Variants in ZNF521 observed in about 807,000 individuals in gnomAD.
The protein encoded by ZNF521 is zinc finger protein 521, also known as LYST-interacting protein 3.
ZNF521 carries 14 observed loss-of-function variants against 105.5 expected under a neutral mutation model. The ratio of observed to expected loss-of-function variants is 0.13; its 90% CI spans 0.09 to 0.21. The LOEUF is 0.21. Ranked by LOEUF, ZNF521 falls within the 10% of genes least tolerant of loss-of-function variation. The pLI is 1.00. For missense variants in ZNF521, 1,233 were observed against 1,629.7 expected (o/e 0.76, Z 4.19); for synonymous variants, 635 against 606.0 (o/e 1.05, Z -0.70).
intron 2 of ZNF521, chr18:25,345,167 T>C (rs1914407664): frequency 6.6e-6 from 1 of 152,188 alleles, no homozygotes; most frequent in Non-Finnish European, 1.5e-5. Flanking sequence ...AATGTTCCTC[T>C]AAGGTGAAAA....
chr18:25,341,602 C>T (rs967911836), intron 2 of ZNF521, among the ~76,000 whole-genome samples: 2 of 152,122 alleles, frequency 1.3e-5, no homozygotes, highest in East Asian at 3.8e-4. Context: ...GGACATATTT[C>T]CCTTTAGATT....
chr18:25,114,589 CT>C (rs2034266707), intron 5 of ZNF521, among the ~76,000 whole-genome samples: 1 of 152,166 alleles, frequency 6.6e-6, no homozygotes, highest in Non-Finnish European at 1.5e-5. Context: ...TAGTCCTTTT[CT>C]TTTCCTCCTC....
At chr18:25,293,039 T>C (rs1911125051) in intron 3 of ZNF521, among the ~76,000 whole-genome samples, 1 of 152,144 alleles carries the variant, frequency 6.6e-6, no homozygotes, top group Non-Finnish European at 1.5e-5. Flanking sequence ...GCCCAATGGT[T>C]TTCCCATATA....
chr18:25,171,607 C>A (rs2035450157), intron 5 of ZNF521, among the ~76,000 whole-genome samples: 1 of 152,030 alleles, frequency 6.6e-6, no homozygotes, highest in African/African-American at 2.4e-5. Context: ...TTGGCTCCAA[C>A]CGTTATATTC....
intron 3 of ZNF521, among the ~76,000 whole-genome samples, chr18:25,288,588 C>A (rs1423833197): frequency 7.1e-6 from 1 of 141,118 alleles, no homozygotes; most frequent in African/African-American, 2.7e-5. Context: ...AAAAAAAACC[C>A]AGCTTTGAAA....
intron 5 of ZNF521, among the ~76,000 whole-genome samples, chr18:25,121,270 TTCC>T: frequency 7.6e-6 from 1 of 131,250 alleles, no homozygotes; most frequent in Non-Finnish European, 1.7e-5. Flanking sequence ...CTTCTTCTTC[TTCC>T]TTTTTTTTTT....
intron 7 of ZNF521, among the ~76,000 whole-genome samples, chr18:25,066,077 T>C (rs1567945818): frequency 6.6e-6 from 1 of 152,192 alleles, no homozygotes; most frequent in East Asian, 1.9e-4. Context: ...ATGAGAAATG[T>C]AAGGGCAGGA....
rs558271670 is a variant in ZNF521, at chr18:25,249,715, C to T, written c.221-22018G>A. Reference sequence around the variant, plus strand: ...GACCTCAAGTGATCTGCTCACCTCACACTCCCGAAGTGCTGGGATTACAAG... The same window carrying T: ...GACCTCAAGTGATCTGCTCACCTCATACTCCCGAAGTGCTGGGATTACAAG... On this transcript the variant is annotated intron_variant, in intron 3 of 7. Coordinates refer to ENST00000361524, the MANE Select transcript of ZNF521 (RefSeq NM_015461.3). 7.2e-5 allele frequency among the ~76,000 whole-genome samples: 11 copies of T among 152,032 alleles called. No homozygotes were observed. The East Asian group carries it at 2.1e-3, about 30-fold the overall frequency.
intron 5 of ZNF521, among the ~76,000 whole-genome samples, chr18:25,194,102 T>C (rs1335017739): frequency 2.6e-5 from 4 of 151,882 alleles, no homozygotes; most frequent in African/African-American, 9.7e-5. Context: ...AGAATATTTC[T>C]AATTAGTATA....
rs771097600 is a variant in ZNF521, at chr18:25,352,040, T to C, written c.-37A>G. ...TTGGACTGCGCTGTCGCTCCGGTAG[T>C]CCACATAATAATGGAAAATGGAAGC... On this transcript the variant is annotated 5_prime_UTR_variant, in exon 1 of 8. Coordinates refer to ENST00000361524, the MANE Select transcript of ZNF521 (RefSeq NM_015461.3). 1.0e-5 allele frequency: 5 copies of C among 494,260 alleles called. No homozygotes were observed. Among genetic ancestry groups the C allele is most frequent in the Non-Finnish European group, 2.0e-5 (5 of 245,836 alleles). 30.6% of individuals were successfully genotyped at this position (494,260 alleles called of 1,614,324 possible).
intron 3 of ZNF521, among the ~76,000 whole-genome samples, chr18:25,304,175 T>C (rs1911834716): frequency 1.3e-5 from 2 of 152,176 alleles, no homozygotes; most frequent in Non-Finnish European, 2.9e-5. Flanking sequence ...CTGAAGACAC[T>C]TCATGACATT....
At chr18:25,324,349 C>T (rs935045239) in intron 2 of ZNF521, among the ~76,000 whole-genome samples, 1 of 151,804 alleles carries the variant, frequency 6.6e-6, no homozygotes, top group Non-Finnish European at 1.5e-5. Flanking sequence ...ACAGGACCCA[C>T]CACATTTGGG....
chr18:25,138,258 T>C (rs1268568454), intron 5 of ZNF521, among the ~76,000 whole-genome samples: 1 of 152,128 alleles, frequency 6.6e-6, no homozygotes, highest in Non-Finnish European at 1.5e-5. Context: ...AAACAGAGGG[T>C]GTCAAAGACC....
intron 4 of ZNF521, among the ~76,000 whole-genome samples, chr18:25,207,443 G>A (rs1449794378): frequency 6.6e-6 from 1 of 152,282 alleles, no homozygotes; most frequent in South Asian, 2.1e-4. Flanking sequence ...CCTCTCCATC[G>A]CCAGTTCTTG....
chr18:25,230,574 A>T (rs954036423), intron 3 of ZNF521, among the ~76,000 whole-genome samples: 1 of 150,160 alleles, frequency 6.7e-6, no homozygotes, highest in Non-Finnish European at 1.5e-5. Context: ...AAACGATGTC[A>T]ATTTCTTTTT....
intron 3 of ZNF521, among the ~76,000 whole-genome samples, chr18:25,320,531 T>C (rs1600303328): frequency 6.6e-6 from 1 of 152,134 alleles, no homozygotes. Context: ...AATAGATTTG[T>C]TCTTCAGAAA....
chr18:25,078,887 G>A (rs1365804257), intron 7 of ZNF521, among the ~76,000 whole-genome samples: 1 of 152,206 alleles, frequency 6.6e-6, no homozygotes, highest in Admixed American at 6.5e-5. Flanking sequence ...GAGGGCGGGG[G>A]AGGTGGGAGA....
chr18:25,253,911 T>C (rs2144859935), intron 3 of ZNF521, among the ~76,000 whole-genome samples: 1 of 152,284 alleles, frequency 6.6e-6, no homozygotes, highest in South Asian at 2.1e-4. Context: ...GGATAATTTT[T>C]ACACATGATA....
intron 3 of ZNF521, among the ~76,000 whole-genome samples, chr18:25,292,843 C>A (rs1388650446): frequency 6.6e-6 from 1 of 152,114 alleles, no homozygotes; most frequent in African/African-American, 2.4e-5. Flanking sequence ...TTAAACAAAA[C>A]TTTAAGGGGA....
Sources: allele counts gnomAD v4.1 joint callset (sites outside exome capture counted in the v4.1 genomes callset), GRCh38; gene constraint gnomAD v4.1.1; transcripts MANE v1.5; gene names NCBI Gene and HGNC (gene_info 2026-07-23, HGNC 2026-07-21).